Variants in SPAG16 observed in about 807,000 individuals in gnomAD.
The protein encoded by SPAG16 is sperm associated antigen 16, also known as sperm-associated antigen 16 protein.
Under a neutral mutation model 80.4 loss-of-function variants are expected in SPAG16, and 86 were observed. That is an observed-to-expected ratio of 1.07 (90% confidence interval 0.90 to 1.28). The LOEUF (loss-of-function observed/expected upper bound fraction) is 1.28, where lower values mean the gene tolerates loss of function less well. Among genes scored for constraint, SPAG16 ranks in the 50% most tolerant of loss-of-function variants. The pLI, the probability that SPAG16 is intolerant of heterozygous loss-of-function variation, is 0.00. For synonymous variants in SPAG16, 294 were observed against 265.9 expected (o/e 1.11, Z -1.03); for missense variants, 870 against 765.3 (o/e 1.14, Z -1.61).
intron 9 of SPAG16, among the ~76,000 whole-genome samples, chr2:213,427,905 T>C (rs992610681): frequency 2.0e-5 from 3 of 151,424 alleles, no homozygotes; most frequent in African/African-American, 7.3e-5. Flanking sequence ...GATATATAAT[T>C]AATCTAAAAA....
At chr2:214,156,614 C>T (rs535400956) in intron 15 of SPAG16, among the ~76,000 whole-genome samples, 140 of 152,090 alleles carry the variant, frequency 9.2e-4, no homozygotes, top group Non-Finnish European at 1.7e-3. Flanking sequence ...TTGATTTCTA[C>T]AGAACATTTT....
intron 10 of SPAG16, among the ~76,000 whole-genome samples, chr2:213,611,323 G>T (rs1195186248): frequency 6.6e-6 from 1 of 152,174 alleles, no homozygotes; most frequent in Non-Finnish European, 1.5e-5. Context: ...CAAAAACATT[G>T]ATTAAGTTGA....
chr2:214,344,362 CAA>C (rs1697923470), intron 15 of SPAG16, among the ~76,000 whole-genome samples: 1 of 152,086 alleles, frequency 6.6e-6, no homozygotes, highest in Non-Finnish European at 1.5e-5. Context: ...CTTCAAAAAT[CAA>C]AAGACTTTTA....
chr2:214,234,504 A>G (rs1236807720), intron 15 of SPAG16, among the ~76,000 whole-genome samples: 1 of 152,168 alleles, frequency 6.6e-6, no homozygotes, highest in African/African-American at 2.4e-5. Flanking sequence ...CACTTCCACT[A>G]ACAGCATAAA....
At chr2:213,772,835 C>T (rs1429635018) in intron 10 of SPAG16, among the ~76,000 whole-genome samples, 5 of 152,102 alleles carry the variant, frequency 3.3e-5, no homozygotes, top group Admixed American at 3.3e-4. Context: ...TATTGTCTTC[C>T]AATCTATGAA....
chr2:213,891,816 G>T (rs754490337), intron 11 of SPAG16, among the ~76,000 whole-genome samples: 1 of 152,088 alleles, frequency 6.6e-6, no homozygotes, highest in Non-Finnish European at 1.5e-5. Flanking sequence ...CCCTCATTCT[G>T]CCTGCCTCCA....
intron 13 of SPAG16, among the ~76,000 whole-genome samples, chr2:214,024,034 A>C (rs1352052030): frequency 4.6e-5 from 7 of 151,722 alleles, no homozygotes; most frequent in Non-Finnish European, 1.0e-4. Flanking sequence ...CATTCAATAA[A>C]GATGGAATGT....
chr2:214,153,262 C>T (rs561719123), intron 15 of SPAG16, among the ~76,000 whole-genome samples: 71 of 152,232 alleles, frequency 4.7e-4, no homozygotes, highest in African/African-American at 1.4e-3. Context: ...ACAGAAGGCT[C>T]GCACTCTTGT....
intron 10 of SPAG16, among the ~76,000 whole-genome samples, chr2:213,548,045 G>T (rs2076669194): frequency 6.6e-6 from 1 of 151,986 alleles, no homozygotes; most frequent in African/African-American, 2.4e-5. Context: ...AATTGTTTTG[G>T]ACATAAAACT....
intron 11 of SPAG16, among the ~76,000 whole-genome samples, chr2:213,921,420 G>A (rs2078219189): frequency 6.6e-6 from 1 of 152,080 alleles, no homozygotes; most frequent in Non-Finnish European, 1.5e-5. Context: ...TGAGCCTATG[G>A]ATGTCATTGT....
At chr2:213,682,130 A>T (rs1184378995) in intron 10 of SPAG16, among the ~76,000 whole-genome samples, 1 of 152,166 alleles carries the variant, frequency 6.6e-6, no homozygotes, top group East Asian at 1.9e-4. Context: ...ATTGTCCTCA[A>T]GGCAATACCT....
At chr2:213,951,235 G>A (rs1045602860) in intron 12 of SPAG16, among the ~76,000 whole-genome samples, 12 of 152,042 alleles carry the variant, frequency 7.9e-5, no homozygotes, top group African/African-American at 2.9e-4. Flanking sequence ...ATTTTAGGAA[G>A]TATAAAATGT....
intron 6 of SPAG16, among the ~76,000 whole-genome samples, chr2:213,340,615 A>G (rs772015145): frequency 1.3e-5 from 2 of 152,192 alleles, no homozygotes; most frequent in Non-Finnish European, 2.9e-5. Flanking sequence ...GGGTCCGCAC[A>G]GTGCTCTTTG....
chr2:213,656,017 T>G (rs770848473), intron 10 of SPAG16, among the ~76,000 whole-genome samples: 48 of 152,228 alleles, frequency 3.2e-4, no homozygotes, highest in Non-Finnish European at 6.0e-4. Context: ...GTTTTTGCTG[T>G]GTAATTCTTT....
intron 10 of SPAG16, among the ~76,000 whole-genome samples, chr2:213,643,925 C>T (rs977860298): frequency 3.3e-5 from 5 of 151,152 alleles, no homozygotes; most frequent in African/African-American, 9.7e-5. Flanking sequence ...GGATTACAGG[C>T]GCACACCACC....
At chr2:214,259,711 T>C (rs1420842160) in intron 15 of SPAG16, among the ~76,000 whole-genome samples, 2 of 152,092 alleles carry the variant, frequency 1.3e-5, no homozygotes, top group Non-Finnish European at 2.9e-5. Flanking sequence ...TTTTGTACTT[T>C]GTTTTTGTTT....
At chr2:214,223,070 G>T (rs1230461368) in intron 15 of SPAG16, among the ~76,000 whole-genome samples, 3 of 151,994 alleles carry the variant, frequency 2.0e-5, no homozygotes, top group Non-Finnish European at 2.9e-5. Flanking sequence ...GAAATATATT[G>T]CAGAAATCCC....
chr2:214,054,478 G>T (rs1482023594), intron 13 of SPAG16, among the ~76,000 whole-genome samples: 1 of 152,138 alleles, frequency 6.6e-6, no homozygotes, highest in Non-Finnish European at 1.5e-5. Flanking sequence ...GTATAAAAGA[G>T]AATATGTGAG....
At chr2:214,282,047 A>G (rs1451269873) in intron 15 of SPAG16, among the ~76,000 whole-genome samples, 1 of 152,148 alleles carries the variant, frequency 6.6e-6, no homozygotes, top group Non-Finnish European at 1.5e-5. Context: ...GAACAAAGAA[A>G]CTTTCAGAGG....
Sources: gnomAD v4.1 joint callset for allele counts (sites outside exome capture counted in the v4.1 genomes callset) on GRCh38, gnomAD v4.1.1 for gene constraint, MANE v1.5 for transcripts, NCBI Gene and HGNC (gene_info 2026-07-23, HGNC 2026-07-21) for gene names.